EYS: variants seen among roughly 807,000 people sequenced by gnomAD.
EYS encodes the protein EGF-like photoreceptor maintenance factor, also known as protein eyes shut homolog.
A neutral mutation model predicts 282.1 loss-of-function variants in EYS; 250 were observed. The observed-to-expected ratio is 0.89, with a 90% CI of 0.80 to 0.98. EYS has a LOEUF of 0.98. Among genes scored for constraint, EYS ranks in the 50% least tolerant of loss-of-function variants. The pLI, the probability that EYS is intolerant of heterozygous loss-of-function variation, is 0.00. For missense variants in EYS, 4,016 were observed against 3,709.0 expected (o/e 1.08, Z -2.15); for synonymous variants, 1,355 against 1,282.9 (o/e 1.06, Z -1.20).
intron 2 of EYS, among the ~76,000 whole-genome samples, chr6:65,513,556 A>G (rs1766987064): frequency 6.6e-6 from 1 of 152,146 alleles, no homozygotes; most frequent in African/African-American, 2.4e-5. Flanking sequence ...ATACTGGCAA[A>G]CCAAATCCAG....
intron 33 of EYS, among the ~76,000 whole-genome samples, chr6:64,017,911 A>C (rs1318770249): frequency 1.3e-5 from 2 of 152,122 alleles, no homozygotes; most frequent in African/African-American, 4.8e-5. Context: ...ATACATTTTC[A>C]TTGACCTTCT....
intron 1 of EYS, among the ~76,000 whole-genome samples, chr6:65,668,165 G>C (rs953396300): frequency 2.0e-5 from 3 of 151,682 alleles, no homozygotes; most frequent in African/African-American, 7.3e-5. Flanking sequence ...TTCTAATTAG[G>C]TGTTGTCTTT....
intron 31 of EYS, among the ~76,000 whole-genome samples, chr6:64,226,272 G>T (rs1403418826): frequency 1.3e-5 from 2 of 151,946 alleles, no homozygotes; most frequent in Non-Finnish European, 2.9e-5. Context: ...ACCTAGTAAA[G>T]CCTCTCACTT....
intron 30 of EYS, among the ~76,000 whole-genome samples, chr6:64,262,264 C>A (rs1314002748): frequency 6.6e-6 from 1 of 151,814 alleles, no homozygotes; most frequent in Admixed American, 6.6e-5. Flanking sequence ...AGACTAATTT[C>A]ATTTGCTAGT....
At chr6:65,706,287 T>C (rs753464108) in intron 1 of EYS, among the ~76,000 whole-genome samples, 4 of 151,848 alleles carry the variant, frequency 2.6e-5, no homozygotes, top group Non-Finnish European at 5.9e-5. Flanking sequence ...AGGTAAGCAA[T>C]GGTCCCTTAT....
chr6:64,432,792 T>C (rs1302689656), intron 28 of EYS, among the ~76,000 whole-genome samples: 1 of 152,004 alleles, frequency 6.6e-6, no homozygotes, highest in Non-Finnish European at 1.5e-5. Context: ...TGCTCACCCA[T>C]TTGCATTTTG....
At chr6:65,097,644 G>T (rs1471782465) in intron 12 of EYS, among the ~76,000 whole-genome samples, 2 of 150,688 alleles carry the variant, frequency 1.3e-5, no homozygotes, top group South Asian at 2.1e-4. Context: ...AACCAAGTGT[G>T]GTACATATGT....
intron 35 of EYS, among the ~76,000 whole-genome samples, chr6:63,875,349 T>C (rs1179713025): frequency 1.3e-5 from 2 of 152,228 alleles, no homozygotes; most frequent in African/African-American, 4.8e-5. Context: ...ATAAGCTTTT[T>C]GATGTGCTGC....
intron 34 of EYS, among the ~76,000 whole-genome samples, chr6:63,985,747 T>C (rs1218467941): frequency 3.3e-5 from 5 of 151,614 alleles, no homozygotes; most frequent in Non-Finnish European, 7.4e-5. Context: ...TTGAAGCTGG[T>C]CCCCTTCTTA....
intron 5 of EYS, among the ~76,000 whole-genome samples, chr6:65,448,973 T>G (rs1179805766): frequency 6.6e-6 from 1 of 152,090 alleles, no homozygotes; most frequent in Admixed American, 6.6e-5. Flanking sequence ...AAACAACAGT[T>G]CTGATTTAAT....
At chr6:63,788,953 C>T (rs1324511748) in intron 38 of EYS, 105 bp downstream of exon 38, 26 of 1,148,578 alleles carry the variant, frequency 2.3e-5, no homozygotes, top group East Asian at 5.2e-5. Flanking sequence ...CTGTGAACTT[C>T]GTGGATGTAG....
At position 64,889,057 on chromosome 6, in the gene EYS, T is replaced by G. The variant is rs541702914; in HGVS notation, c.2847-2215A>C. Among the ~76,000 whole-genome samples, 30 of 152,190 alleles carry G rather than the reference T, an allele frequency of 2.0e-4. 1 individual carries two copies. Among genetic ancestry groups the G allele is most frequent in the Non-Finnish European group, 1.5e-5 (1 of 67,964 alleles). ...AAATCTACTTTGTATTTTGAAATAT[T>G]GAATACTAGAAAATTATTTGGTGAT... On this transcript the variant is annotated intron_variant, in intron 18 of 42. Coordinates refer to ENST00000503581, the MANE Select transcript of EYS (RefSeq NM_001142800.2).
intron 14 of EYS, among the ~76,000 whole-genome samples, chr6:64,947,681 A>T (rs1447633200): frequency 8.6e-5 from 13 of 150,498 alleles, no homozygotes; most frequent in Middle Eastern, 3.4e-3. Context: ...AAACATTAAA[A>T]GAGGACTTAC....
intron 36 of EYS, among the ~76,000 whole-genome samples, chr6:63,812,290 G>A (rs1488723614): frequency 6.6e-6 from 1 of 152,106 alleles, no homozygotes; most frequent in Non-Finnish European, 1.5e-5. Context: ...CCCGGTGCCT[G>A]AACCACATTT....
At chr6:65,153,413 GTT>G (rs1491254413) in intron 12 of EYS, among the ~76,000 whole-genome samples, 66 of 130,714 alleles carry the variant, frequency 5.0e-4, no homozygotes, top group African/African-American at 1.5e-3. Flanking sequence ...GTGTGTGTGT[GTT>G]AACCACTAAA....
intron 33 of EYS, among the ~76,000 whole-genome samples, chr6:64,056,326 CA>C (rs1770982812): frequency 6.6e-6 from 1 of 152,196 alleles, no homozygotes; most frequent in Non-Finnish European, 1.5e-5. Context: ...TCTCCCTCTC[CA>C]AAGATTTTTA....
At position 64,822,808 on chromosome 6, in the gene EYS, T is replaced by C. The variant is rs1300803879; in HGVS notation, c.3007A>G (p.Ile1003Val). Residue 1003 changes from isoleucine (I) to valine (V), a missense_variant, in exon 20 of 43, where the codon ATA becomes GTA. By Grantham distance (29) the Ile-to-Val change is conservative. Transcript: ENST00000503581. ...TCTGATAGGCATTCATCTAGATTTATTTCACAGTTGATGCCTGTGTTGGAA... is the reference window on the plus strand; with the variant it reads ...TCTGATAGGCATTCATCTAGATTTACTTCACAGTTGATGCCTGTGTTGGAA... The part of the protein sequence containing the change: ...APGYTGINCE[I>V]NLDECLSEPC... The C allele has an allele frequency of 6.5e-7, 1 of 1,549,168 alleles. No homozygotes were observed. Among genetic ancestry groups the C allele is most frequent in the Non-Finnish European group, 8.7e-7 (1 of 1,145,612 alleles).
intron 5 of EYS, among the ~76,000 whole-genome samples, chr6:65,417,032 C>T (rs1767267550): frequency 6.6e-6 from 1 of 151,902 alleles, no homozygotes; most frequent in Non-Finnish European, 1.5e-5. Flanking sequence ...AATGAAAATA[C>T]TCAGTTATTC....
intron 11 of EYS, among the ~76,000 whole-genome samples, chr6:65,305,422 C>T (rs1271315850): frequency 6.6e-6 from 1 of 152,092 alleles, no homozygotes; most frequent in Non-Finnish European, 1.5e-5. Flanking sequence ...ACAAAAATAC[C>T]CACTCAGTCT....
Sources: allele counts gnomAD v4.1 joint callset (sites outside exome capture counted in the v4.1 genomes callset), GRCh38; gene constraint gnomAD v4.1.1; transcripts MANE v1.5; gene names NCBI Gene and HGNC (gene_info 2026-07-23, HGNC 2026-07-21).